Variants in PRKD1 observed in about 807,000 individuals in gnomAD.
PRKD1 encodes protein kinase D1.
Under a neutral mutation model 95.9 loss-of-function variants are expected in PRKD1, and 63 were observed. The ratio of observed to expected loss-of-function variants is 0.66; its 90% confidence interval spans 0.54 to 0.81. The LOEUF is 0.81. Ranked by LOEUF, PRKD1 falls within the 30% of genes least tolerant of loss-of-function variation. PRKD1 has a pLI of 0.00. For missense variants in PRKD1, 1,048 were observed against 1,165.3 expected, an observed-to-expected ratio of 0.90 and a Z score of 1.47; for synonymous variants, 425 against 423.1, an observed-to-expected ratio of 1.00 and a Z score of -0.05.
intron 1 of PRKD1, among the ~76,000 whole-genome samples, chr14:29,913,300 T>C (rs1270558772): frequency 6.6e-6 from 1 of 152,230 alleles, no homozygotes; most frequent in African/African-American, 2.4e-5. Flanking sequence ...TACAGGTTTT[T>C]TGGCCAAAAG....
intron 2 of PRKD1, 45 bp from the exon 3 acceptor site, chr14:29,666,253 G>C (rs753967447): frequency 1.3e-6 from 2 of 1,541,192 alleles, no homozygotes; most frequent in Admixed American, 1.7e-5. Flanking sequence ...TAGGCACTCT[G>C]ATCTGTAAAT....
chr14:29,841,349 G>A (rs1009346791), intron 1 of PRKD1, among the ~76,000 whole-genome samples: 23 of 152,154 alleles, frequency 1.5e-4, no homozygotes, highest in East Asian at 3.9e-4. Flanking sequence ...TGGATGGGCC[G>A]GGGCAGAATT....
At chr14:29,630,587 G>T in intron 10 of PRKD1, 155 bp downstream of exon 10, 1 of 855,892 alleles carries the variant, frequency 1.2e-6, no homozygotes, top group Non-Finnish European at 1.8e-6. Context: ...ATGTGCAGCA[G>T]CTTTTATTTA....
intron 2 of PRKD1, among the ~76,000 whole-genome samples, chr14:29,700,090 CTT>C (rs35039906): frequency 1.6e-4 from 24 of 148,310 alleles, no homozygotes; most frequent in East Asian, 1.2e-3. Context: ...CTTATCCCTT[CTT>C]TTTTTTTTTC....
At chr14:29,909,193 G>A (rs779233409) in intron 1 of PRKD1, among the ~76,000 whole-genome samples, 26 of 152,242 alleles carry the variant, frequency 1.7e-4, no homozygotes, top group Non-Finnish European at 3.1e-4. Context: ...GCCCACCAGC[G>A]CTGCACTTGA....
At chr14:29,705,455 GTTT>G (rs35890847) in intron 2 of PRKD1, among the ~76,000 whole-genome samples, 306 of 147,136 alleles carry the variant, frequency 2.1e-3, no homozygotes, top group Middle Eastern at 0.011. Flanking sequence ...GCCAGATTCT[GTTT>G]TTTTTTTTGT....
chr14:29,622,503 A>G (rs535224609), intron 13 of PRKD1, among the ~76,000 whole-genome samples: 16 of 151,606 alleles, frequency 1.1e-4, no homozygotes, highest in African/African-American at 3.6e-4. Flanking sequence ...CCCAGGTTCA[A>G]GTGATTCTCC....
At chr14:29,726,505 T>C (rs1886152336) in intron 1 of PRKD1, among the ~76,000 whole-genome samples, 1 of 152,200 alleles carries the variant, frequency 6.6e-6, no homozygotes, top group Non-Finnish European at 1.5e-5. Context: ...TCTTTCTTCA[T>C]CCTGGAACTG....
intron 1 of PRKD1, among the ~76,000 whole-genome samples, chr14:29,805,813 T>C (rs1318412484): frequency 6.6e-6 from 1 of 152,196 alleles, no homozygotes; most frequent in Admixed American, 6.5e-5. Flanking sequence ...CTTTTCATTA[T>C]CAACAGAAAG....
At chr14:29,609,507 C>CACAA (rs1491301920) in intron 13 of PRKD1, among the ~76,000 whole-genome samples, 1 of 1,458 alleles carries the variant, frequency 6.9e-4, no homozygotes, top group East Asian at 0.1. Flanking sequence ...TGTGTGCGTG[C>CACAA]ACACACACAC....
chr14:29,676,337 A>C (rs1883216394), intron 2 of PRKD1, among the ~76,000 whole-genome samples: 2 of 152,042 alleles, frequency 1.3e-5, no homozygotes, highest in South Asian at 4.2e-4. Context: ...GAAAGTGGAG[A>C]TCAAGTCAAG....
chr14:29,630,036 TCCC>T (rs1879884663), intron 10 of PRKD1, among the ~76,000 whole-genome samples: 1 of 149,724 alleles, frequency 6.7e-6, no homozygotes, highest in East Asian at 2.0e-4. Context: ...CTTCTTCTTC[TCCC>T]TCTTCTTTTT....
chr14:29,765,356 C>A (rs1024364227), intron 1 of PRKD1, among the ~76,000 whole-genome samples: 4 of 152,108 alleles, frequency 2.6e-5, no homozygotes, highest in Non-Finnish European at 4.4e-5. Flanking sequence ...AACACACCCA[C>A]CTGAATACTT....
At chr14:29,739,054 T>C (rs1886870648) in intron 1 of PRKD1, among the ~76,000 whole-genome samples, 1 of 152,110 alleles carries the variant, frequency 6.6e-6, no homozygotes, top group Non-Finnish European at 1.5e-5. Context: ...CAGGCTGATC[T>C]TAAACTCCTT....
In PRKD1 at chr14:29,720,787, AT is replaced by A. The variant is rs201632723; in HGVS notation, c.403+4748del. On this transcript the variant is annotated intron_variant, in intron 2 of 17. Transcript: ENST00000331968. Reference sequence around the variant, plus strand: ...AGAGCAAGATTCTGTCTCAAAAAAAATAAATAAATAAATAAATAAATAAATC... The same window carrying A: ...AGAGCAAGATTCTGTCTCAAAAAAAAAAATAAATAAATAAATAAATAAATC... 2.8e-3 allele frequency among the ~76,000 whole-genome samples: 422 copies of A among 150,836 alleles called. 4 individuals are homozygous for A. Among genetic ancestry groups the A allele is most frequent in the African/African-American group, 9.3e-3 (380 of 40,828 alleles).
chr14:29,844,261 TCAGA>T (rs1466544660), intron 1 of PRKD1, among the ~76,000 whole-genome samples: 5 of 152,208 alleles, frequency 3.3e-5, no homozygotes, highest in African/African-American at 7.2e-5. Flanking sequence ...GACAACTTTC[TCAGA>T]CAGAAGAGCT....
intron 1 of PRKD1, among the ~76,000 whole-genome samples, chr14:29,838,727 A>G (rs940896795): frequency 1.3e-5 from 2 of 152,178 alleles, no homozygotes; most frequent in African/African-American, 4.8e-5. Context: ...TAATTCATGG[A>G]AAATGCATAT....
chr14:29,903,872 A>T (rs1378809476), intron 1 of PRKD1, among the ~76,000 whole-genome samples: 2 of 152,158 alleles, frequency 1.3e-5, no homozygotes, highest in African/African-American at 4.8e-5. Flanking sequence ...GAAAATTTAA[A>T]TTTATCGTAA....
intron 2 of PRKD1, among the ~76,000 whole-genome samples, chr14:29,672,671 T>G (rs1594414938): frequency 6.6e-6 from 1 of 152,242 alleles, no homozygotes; most frequent in South Asian, 2.1e-4. Flanking sequence ...ATAGTCTCTT[T>G]AATTCAGCAT....
Sources: allele counts gnomAD v4.1 joint callset (sites outside exome capture counted in the v4.1 genomes callset), GRCh38; gene constraint gnomAD v4.1.1; transcripts MANE v1.5; gene names NCBI Gene and HGNC (gene_info 2026-07-23, HGNC 2026-07-21).